The following BIRC6 variants were observed in gnomAD, a reference collection of about 807,000 sequenced individuals.
The protein encoded by BIRC6 is baculoviral IAP repeat containing 6, also known as dual E2 ubiquitin-conjugating enzyme/E3 ubiquitin-protein ligase BIRC6.
BIRC6 carries 98 observed loss-of-function variants against 503.3 expected under a neutral mutation model. That is an observed-to-expected ratio of 0.19 (90% CI 0.17 to 0.23). The LOEUF (loss-of-function observed/expected upper bound fraction) is 0.23. BIRC6 is among the 10% of genes least tolerant of loss of function. The pLI, the probability that BIRC6 is intolerant of heterozygous loss-of-function variation, is 1.00. For missense variants in BIRC6, 5,360 were observed against 5,806.0 expected (o/e 0.92, Z 2.50); for synonymous variants, 2,240 against 2,078.7 (o/e 1.08, Z -2.11).
In BIRC6 at chr2:32,442,410, G is replaced by A; in HGVS notation, c.4193G>A (p.Arg1398Gln). 1 of 1,610,582 alleles carries A rather than the reference G, an allele frequency of 6.2e-7. No individual in the cohort carries two copies. Among genetic ancestry groups the A allele is most frequent in the Non-Finnish European group, 8.5e-7 (1 of 1,178,206 alleles). ...IVRVCFFEAGRSIAHKCARFL... is the reference protein window; with the variant it reads ...IVRVCFFEAGQSIAHKCARFL... ...CGTGTTTGCTTCTTTGAGGCAGGAC[G>A]AAGTATAGCCCATAAGTGTGCCCGA... The change falls in exon 19 of 74, where the codon CGA (arginine) becomes CAA (glutamine). Residue 1398 changes from arginine (R) to glutamine (Q), a missense_variant. Physicochemically the swap from Arg to Gln is conservative, Grantham distance 43 (BLOSUM62 1). Coordinates refer to ENST00000421745, the MANE Select transcript of BIRC6 (RefSeq NM_016252.4).
At chr2:32,524,746 C>T (rs1328372102) in intron 57 of BIRC6, 142 bp from the exon 58 acceptor site, 2 of 500,522 alleles carry the variant, frequency 4.0e-6, no homozygotes, top group Non-Finnish European at 6.3e-6. Flanking sequence ...GCCTTTACCT[C>T]ATGCCATTTC....
At chr2:32,561,898 C>T (rs2059216569) in intron 65 of BIRC6, among the ~76,000 whole-genome samples, 1 of 151,670 alleles carries the variant, frequency 6.6e-6, no homozygotes, top group African/African-American at 2.4e-5. Flanking sequence ...AAAAACTAGC[C>T]AGGCGTGGTG....
At chr2:32,476,167 GT>G in intron 33 of BIRC6, 45 bp from the exon 34 acceptor site, 1 of 1,445,124 alleles carries the variant, frequency 6.9e-7, no homozygotes, top group Admixed American at 2.6e-5. Flanking sequence ...TAATTTTTTT[GT>G]TTTTAACGTT....
intron 66 of BIRC6, among the ~76,000 whole-genome samples, chr2:32,581,326 T>C (rs1439202206): frequency 1.3e-5 from 2 of 152,202 alleles, no homozygotes; most frequent in Admixed American, 1.3e-4. Context: ...TGGTGAGATA[T>C]TATTAATTTT....
chr2:32,453,731 C>A, intron 22 of BIRC6, 77 bp from the exon 23 acceptor site: 1 of 1,347,510 alleles, frequency 7.4e-7, no homozygotes, highest in Non-Finnish European at 1.0e-6. Context: ...ATTGAAGTTG[C>A]AGCTATAATT....
chr2:32,464,414 C>A (rs1419614007), intron 24 of BIRC6, 95 bp from the exon 25 acceptor site: 3 of 1,335,154 alleles, frequency 2.2e-6, no homozygotes, highest in East Asian at 5.1e-5. Flanking sequence ...TCAATTTAAT[C>A]ATGTTTATCT....
At chr2:32,418,737 G>T (rs1325774643) in intron 10 of BIRC6, among the ~76,000 whole-genome samples, 3 of 152,120 alleles carry the variant, frequency 2.0e-5, no homozygotes, top group Non-Finnish European at 4.4e-5. Context: ...ACTCAGAAGA[G>T]AAATAGTATT....
At position 32,508,276 on chromosome 2, in the gene BIRC6, C is replaced by CT. The variant is rs10528992; in HGVS notation, c.9980+44dup. 12,470 of 856,138 alleles carry CT rather than the reference C, an allele frequency of 0.015. 70 individuals carry two copies. The highest frequency in any genetic ancestry group is 0.016 in the South Asian group (717 of 44,560). 53.0% of individuals were successfully genotyped at this position (856,138 alleles called of 1,614,324 possible). On this transcript the variant is annotated intron_variant, in intron 51 of 73. Transcript: ENST00000421745. ...CAAAACAAGGTATGTTTTGTTTGTC[C>CT]TTTTTTTTTTTTTTTTTTTTTTTTT... is the stretch of plus-strand genomic sequence containing the variant.
At chr2:32,368,321 T>C (rs558308607) in intron 1 of BIRC6, among the ~76,000 whole-genome samples, 2 of 152,084 alleles carry the variant, frequency 1.3e-5, no homozygotes, top group South Asian at 4.2e-4. Context: ...TGGATGGATC[T>C]CAAGGTCAGG....
At chr2:32,487,528 T>C in intron 40 of BIRC6, 119 bp from the exon 41 acceptor site, 5 of 864,652 alleles carry the variant, frequency 5.8e-6, no homozygotes, top group Non-Finnish European at 8.7e-6. Flanking sequence ...TTTTGAACCA[T>C]TCTAAAGAAT....
chr2:32,462,104 C>A (rs1467177612), intron 23 of BIRC6, among the ~76,000 whole-genome samples: 1 of 151,566 alleles, frequency 6.6e-6, no homozygotes, highest in Non-Finnish European at 1.5e-5. Flanking sequence ...TAAAGTTGCC[C>A]ATAAAGTGAA....
Position 32,602,990 on chromosome 2 carries a change from T to C in BIRC6, c.13993-16T>C. ...ACTCTTTTTTCAATTCTGTTTATGC[T>C]TTTTTCGTTCGTCAGGTTTGTTTAA... On this transcript the variant is annotated splice_polypyrimidine_tract_variant and intron_variant, in intron 70 of 73. Transcript: ENST00000421745. 6.3e-7 allele frequency: 1 copy of C among 1,593,496 alleles called. No homozygotes were observed. Among genetic ancestry groups the C allele is most frequent in the South Asian group, 1.2e-5 (1 of 86,636 alleles).
intron 60 of BIRC6, 140 bp from the exon 61 acceptor site, chr2:32,531,215 A>T: frequency 3.0e-6 from 2 of 674,734 alleles, no homozygotes; most frequent in Non-Finnish European, 2.4e-6. Context: ...TAGCCATAAT[A>T]CAGCTATATC....
At chr2:32,446,861 A>G (rs367606612) in intron 21 of BIRC6, among the ~76,000 whole-genome samples, 7,534 of 126,312 alleles carry the variant, frequency 0.06, 363 homozygotes, top group Admixed American at 0.14. Flanking sequence ...AAACAAGTGA[A>G]CAAAGGTCTC....
chr2:32,467,987 C>G lies in BIRC6; in HGVS notation c.5656C>G (p.Pro1886Ala), dbSNP rs1461897994. The change falls in exon 28 of 74, where the codon CCT becomes GCT. Residue 1886 changes from proline (P) to alanine (A), a missense_variant. Physicochemically the swap from Pro to Ala is conservative, Grantham distance 27 (BLOSUM62 -1). Coordinates refer to ENST00000421745, the MANE Select transcript of BIRC6 (RefSeq NM_016252.4). ...TTACTATGGTCATACCTACATCTTG[C>G]CTTGGGAAAGTGAACTGAAGTTAAT... is the stretch of plus-strand genomic sequence containing the variant. Reference protein sequence around the residue: ...GFYYGHTYILPWESELKLMHD... With the variant: ...GFYYGHTYILAWESELKLMHD... The G allele has an allele frequency of 6.2e-7, 1 of 1,613,702 alleles. No homozygotes were observed. The highest frequency in any genetic ancestry group is 8.5e-7 in the Non-Finnish European group (1 of 1,179,804).
Position 32,508,126 on chromosome 2 carries a change from C to T in BIRC6, c.9847C>T (p.His3283Tyr), listed in dbSNP as rs779037567. The T allele has an allele frequency of 6.2e-7, 1 of 1,613,906 alleles. No homozygotes were observed. The highest frequency in any genetic ancestry group is 8.5e-7 in the Non-Finnish European group (1 of 1,179,884). ...AGCTTCTGCTGTCTGCCTTAGACTA[C>T]ATCGTCCACGGGATGCCAGCACATT... ...EVASAVCLRL[H>Y]RPRDASTLGL... Residue 3283 changes from histidine (H) to tyrosine (Y), a missense_variant, in exon 51 of 74, where the codon CAT becomes TAT. His to Tyr is a moderately conservative substitution (Grantham distance 83, BLOSUM62 2). Around this residue, in one of 16 missense-constraint regions of BIRC6, gnomAD observed 62 missense variants for 107.4 expected, o/e 0.58. Transcript: ENST00000421745.
chr2:32,392,025 A>T lies in BIRC6; in HGVS notation c.840-14A>T. ...ATGCCTAACTTCAATTACATAAAGTATGTTTACTTTTAGATCACTGATGTA... is the reference window on the plus strand; with the variant it reads ...ATGCCTAACTTCAATTACATAAAGTTTGTTTACTTTTAGATCACTGATGTA... On this transcript the variant is annotated splice_polypyrimidine_tract_variant and intron_variant, in intron 4 of 73. Transcript: ENST00000421745. The T allele has an allele frequency of 6.7e-7, 1 of 1,481,604 alleles. No individual in the cohort carries two copies. The highest frequency in any genetic ancestry group is 9.2e-7 in the Non-Finnish European group (1 of 1,086,502). 91.8% of individuals were successfully genotyped at this position (1,481,604 alleles called of 1,614,324 possible). A position where few individuals can be genotyped will look rare whatever the true frequency, so the allele number is the denominator to read the frequency against.
intron 73 of BIRC6, among the ~76,000 whole-genome samples, chr2:32,615,757 CCCAAGTA>C (rs2063186239): frequency 6.6e-6 from 1 of 152,176 alleles, no homozygotes; most frequent in Non-Finnish European, 1.5e-5. Flanking sequence ...GCCTCAGCCT[CCCAAGTA>C]CCTGGGACTA....
At chr2:32,472,337 G>A (rs1327864917) in intron 32 of BIRC6, among the ~76,000 whole-genome samples, 1 of 152,164 alleles carries the variant, frequency 6.6e-6, no homozygotes, top group African/African-American at 2.4e-5. Context: ...CCAGAGTGCT[G>A]GGATTACAGA....
Sources: gnomAD v4.1 joint callset for allele counts (sites outside exome capture counted in the v4.1 genomes callset) on GRCh38, gnomAD v4.1.1 for gene constraint, gnomAD v4.1.1 regional missense constraint, MANE v1.5 for transcripts, NCBI Gene and HGNC (gene_info 2026-07-23, HGNC 2026-07-21) for gene names.